NCAN: variants seen among roughly 807,000 people sequenced by gnomAD.
The protein encoded by NCAN is neurocan core protein.
NCAN carries 47 observed loss-of-function variants against 121.8 expected under a neutral mutation model. The ratio of observed to expected loss-of-function variants is 0.39; its 90% CI spans 0.31 to 0.49. NCAN has a LOEUF of 0.49. NCAN is among the 20% of genes least tolerant of loss of function. The probability of loss-of-function intolerance (pLI) is 0.92; values close to 1 mark genes in which losing one functional copy is unlikely to be tolerated. For missense variants in NCAN, 1,517 were observed against 1,773.4 expected, an observed-to-expected ratio of 0.86 and a Z score of 2.60; for synonymous variants, 633 against 702.0, an observed-to-expected ratio of 0.90 and a Z score of 1.55.
chr19:19,239,786 C>T (rs1031622567), intron 11 of NCAN, among the ~76,000 whole-genome samples: 1 of 137,796 alleles, frequency 7.3e-6, no homozygotes, highest in Non-Finnish European at 1.6e-5. Context: ...CTTGCTCTTC[C>T]TCCTCCCTTC....
At position 19,228,571 on chromosome 19, in the gene NCAN, GGGA is replaced by G; in HGVS notation, c.2957_2959del (p.Glu986del). 6.2e-7 allele frequency: 1 copy of G among 1,613,074 alleles called. No homozygotes were observed. Among genetic ancestry groups the G allele is most frequent in the East Asian group, 2.2e-5 (1 of 44,878 alleles). On this transcript the variant is annotated inframe_deletion, in exon 8 of 15. Coordinates refer to ENST00000252575, the MANE Select transcript of NCAN (RefSeq NM_004386.3). Reference sequence around the variant, plus strand: ...GGGAGCCCGGGTGTAGAGAGCTTCTGGGAGGAGGTGGCAAGTGGAGAGGAGCCA... The same window carrying G: ...GGGAGCCCGGGTGTAGAGAGCTTCTGGGAGGTGGCAAGTGGAGAGGAGCCA...
chr19:19,227,940 A>C lies in NCAN; in HGVS notation c.2320A>C (p.Thr774Pro). Residue 774 changes from threonine (T) to proline (P), a missense_variant, in exon 8 of 15, where the codon ACT becomes CCT. By Grantham distance (38) the Thr-to-Pro change is conservative. Transcript: ENST00000252575. The surrounding 1 kb of genome is among the most constrained non-coding windows in gnomAD (Gnocchi z 4.2). ...AAGCCCCACTTCTGGCTTGCAGGCCACTGTAGATGAGGTGCAGGACCCCTG... is the reference window on the plus strand; with the variant it reads ...AAGCCCCACTTCTGGCTTGCAGGCCCCTGTAGATGAGGTGCAGGACCCCTG... ...AESPTSGLQA[T>P]VDEVQDPWPS... 6.2e-7 allele frequency: 1 copy of C among 1,613,472 alleles called. No individual in the cohort carries two copies.
At chr19:19,217,914 G>A (rs1015609031) in intron 2 of NCAN, among the ~76,000 whole-genome samples, 1 of 151,940 alleles carries the variant, frequency 6.6e-6, no homozygotes, top group Non-Finnish European at 1.5e-5. Flanking sequence ...TTGAACCTGG[G>A]AGGCGAAGGT....
intron 3 of NCAN, 134 bp from the exon 4 acceptor site, chr19:19,223,887 C>T (rs953773400): frequency 2.4e-5 from 20 of 818,962 alleles, no homozygotes; most frequent in Middle Eastern, 2.5e-4. Context: ...TCCCCACCCT[C>T]GACCCACACT....
intron 2 of NCAN, among the ~76,000 whole-genome samples, chr19:19,217,987 A>T (rs1364771040): frequency 1.3e-5 from 2 of 151,824 alleles, no homozygotes; most frequent in Non-Finnish European, 2.9e-5. Flanking sequence ...ACTCAAAAAA[A>T]TAATAATAAG....
At position 19,212,695 on chromosome 19, in the gene NCAN, C is replaced by T. The variant is rs886083631; in HGVS notation, c.-8+631C>T. Among the ~76,000 whole-genome samples the T allele has an allele frequency of 2.0e-5, 3 of 152,218 alleles. No individual in the cohort carries two copies. Among genetic ancestry groups the T allele is most frequent in the Non-Finnish European group, 4.4e-5 (3 of 68,030 alleles). ...GAGGTCCTGGGGGTCCCCATCCCAA[C>T]GTGGTTCCCCGTTATTCCCTTAGAC... is the stretch of plus-strand genomic sequence containing the variant. On this transcript the variant is annotated intron_variant, in intron 1 of 14. Coordinates refer to ENST00000252575, the MANE Select transcript of NCAN (RefSeq NM_004386.3). The surrounding 1 kb of genome is among the most constrained non-coding windows in gnomAD (Gnocchi z 4.5).
At chr19:19,234,833 T>A in intron 9 of NCAN, 150 bp from the exon 10 acceptor site, 1 of 481,656 alleles carries the variant, frequency 2.1e-6, no homozygotes, top group Non-Finnish European at 3.8e-6. Context: ...GCCTGCAGAG[T>A]CATTGGGCCA....
intron 2 of NCAN, 79 bp downstream of exon 2, chr19:19,217,105 TCTC>T (rs899563866): frequency 9.6e-7 from 1 of 1,046,868 alleles, no homozygotes; most frequent in Admixed American, 3.1e-5. Context: ...TCCAGAGCCT[TCTC>T]CTGCTGGTCT....
chr19:19,240,518 C>A, intron 11 of NCAN, 85 bp from the exon 12 acceptor site: 1 of 1,351,704 alleles, frequency 7.4e-7, no homozygotes, highest in Non-Finnish European at 1.1e-6. Flanking sequence ...TCCTCCCACA[C>A]CCTACCCCAC....
chr19:19,225,123 C>G lies in NCAN; in HGVS notation c.925C>G (p.Leu309Val). 6.5e-7 allele frequency: 1 copy of G among 1,532,122 alleles called. No individual in the cohort carries two copies. The highest frequency in any genetic ancestry group is 8.7e-7 in the Non-Finnish European group (1 of 1,148,256). 94.9% of individuals were successfully genotyped at this position (1,532,122 alleles called of 1,614,324 possible). ...CCTGGACCAGTGCGACCCGGGCTGGCTGGCCGACGGCAGCGTGCGCTACCC... is the reference window on the plus strand; with the variant it reads ...CCTGGACCAGTGCGACCCGGGCTGGGTGGCCGACGGCAGCGTGCGCTACCC... Reference protein sequence around the residue: ...EGLDQCDPGWLADGSVRYPIQ... With the variant: ...EGLDQCDPGWVADGSVRYPIQ... Residue 309 changes from leucine to valine, a missense_variant, in exon 6 of 15, where the codon CTG (leucine) becomes GTG (valine). Leu to Val is a conservative substitution (Grantham distance 32). Transcript: ENST00000252575. This position sits in a 1 kb window ranked among gnomAD's most constrained non-coding sequence, Gnocchi z 4.0.
chr19:19,216,187 C>T (rs573039123), intron 1 of NCAN, among the ~76,000 whole-genome samples: 137 of 152,274 alleles, frequency 9.0e-4, no homozygotes, highest in African/African-American at 3.2e-3. Context: ...CTCGCGCTGT[C>T]ACCCAGGCTG....
In NCAN at chr19:19,228,132, A is replaced by G; in HGVS notation, c.2512A>G (p.Ser838Gly). The change falls in exon 8 of 15, where the codon AGT becomes GGT. Residue 838 changes from serine (S) to glycine (G), a missense_variant. Transcript: ENST00000252575. ...PMDSTVTPAP[S>G]DASGIWEPGS... ...GGATTCCACAGTCACGCCGGCCCCC[A>G]GTGATGCTAGTGGAATTTGGGAACC... 1 of 1,613,706 alleles carries G rather than the reference A, an allele frequency of 6.2e-7. No homozygotes were observed. The highest frequency in any genetic ancestry group is 8.5e-7 in the Non-Finnish European group (1 of 1,180,012).
At chr19:19,242,303 C>A (rs1720746) in intron 12 of NCAN, among the ~76,000 whole-genome samples, 1 of 151,976 alleles carries the variant, frequency 6.6e-6, no homozygotes, top group African/African-American at 2.4e-5. Context: ...GTAGGAGGAT[C>A]GCTGGAGCCC....
At chr19:19,222,895 TC>T (rs1287164177) in intron 3 of NCAN, among the ~76,000 whole-genome samples, 1 of 151,864 alleles carries the variant, frequency 6.6e-6, no homozygotes, top group Non-Finnish European at 1.5e-5. Flanking sequence ...GATCACGAGG[TC>T]AGGAGATCAA....
chr19:19,219,949 C>A (rs1231582307), intron 3 of NCAN, among the ~76,000 whole-genome samples: 1 of 151,830 alleles, frequency 6.6e-6, no homozygotes, highest in South Asian at 2.1e-4. Flanking sequence ...ACTGCTTGAA[C>A]CCAGAAGGTG....
chr19:19,248,626 A>G (rs1428050126), intron 13 of NCAN, 74 bp from the exon 14 acceptor site: 14 of 1,253,562 alleles, frequency 1.1e-5, no homozygotes, highest in East Asian at 2.6e-5. Flanking sequence ...CTCTGTCTCA[A>G]ACAACAACAA....
At chr19:19,245,494 C>T (rs757605748) in intron 13 of NCAN, 37 bp downstream of exon 13, 1 of 1,600,678 alleles carries the variant, frequency 6.2e-7, no homozygotes, top group South Asian at 1.1e-5. Context: ...CTCTCTGTCA[C>T]TTTTGCTCAC....
rs147994438 is a variant in NCAN at position 19,218,764 on chromosome 19, G to A, written c.74-151G>A. On this transcript the variant is annotated intron_variant, in intron 2 of 14. Transcript: ENST00000252575. ...TGGGGTTACAGGCATGAGCTATCGC[G>A]TCCAGCCACTGCTTGGATTCTGAGG... The A allele has an allele frequency of 5.3e-4, 376 of 705,560 alleles. 2 individuals carry two copies. The African/African-American group carries it at 5.3e-3, about 10-fold the overall frequency. 43.7% of individuals were successfully genotyped at this position (705,560 alleles called of 1,614,324 possible). A position where few individuals can be genotyped will look rare whatever the true frequency, so the allele number is the denominator to read the frequency against.
intron 10 of NCAN, among the ~76,000 whole-genome samples, chr19:19,236,099 A>T (rs576653019): frequency 2.0e-5 from 3 of 152,304 alleles, no homozygotes; most frequent in Admixed American, 6.5e-5. Flanking sequence ...AATGTTGTAC[A>T]GCCATCACCT....
Sources: gnomAD v4.1 joint callset for allele counts (sites outside exome capture counted in the v4.1 genomes callset) on GRCh38, gnomAD v4.1.1 for gene constraint, Gnocchi (gnomAD v3.1) non-coding constraint, MANE v1.5 for transcripts, NCBI Gene and HGNC (gene_info 2026-07-23, HGNC 2026-07-21) for gene names.